PCNX1: variants seen among roughly 807,000 people sequenced by gnomAD.
The protein encoded by PCNX1 is pecanex-like protein 1.
Under a neutral mutation model 242.2 loss-of-function variants are expected in PCNX1, and 78 were observed. That is an observed-to-expected ratio of 0.32 (90% confidence interval 0.27 to 0.39). The LOEUF (loss-of-function observed/expected upper bound fraction) is 0.39. Among genes scored for constraint, PCNX1 ranks in the 10% least tolerant of loss-of-function variants. The pLI is 1.00. For synonymous variants in PCNX1, 1,024 were observed against 1,032.9 expected (o/e 0.99, Z 0.17); for missense variants, 2,581 against 2,856.5 (o/e 0.90, Z 2.20).
rs1025885457 is a variant in PCNX1 at position 70,907,768 on chromosome 14, A to G, written c.-83A>G. ...GGAGGTGGATAGACGGGGCAGCTGC[A>G]GGCTCCGGCGACCGAGGCCGAGCTG... On this transcript the variant is annotated 5_prime_UTR_variant, in exon 1 of 36. Transcript: ENST00000304743. 2.5e-6 allele frequency: 3 copies of G among 1,184,794 alleles called. No homozygotes were observed. The South Asian group carries it at 1.2e-4, about 49-fold the overall frequency. The allele number at this position is 1,184,794 out of a possible 1,614,324, so 73.4% of individuals were successfully genotyped here.
At chr14:71,007,333 A>G (rs1438446206) in intron 8 of PCNX1, among the ~76,000 whole-genome samples, 1 of 152,124 alleles carries the variant, frequency 6.6e-6, no homozygotes, top group Non-Finnish European at 1.5e-5. Context: ...TGAAAATTAC[A>G]AAGATAATAT....
intron 9 of PCNX1, among the ~76,000 whole-genome samples, chr14:71,011,022 G>T (rs1186193775): frequency 1.3e-5 from 2 of 152,104 alleles, no homozygotes; most frequent in African/African-American, 4.8e-5. Flanking sequence ...GTTTAATGTA[G>T]TTCAAGAGAA....
Position 71,109,563 on chromosome 14 carries a change from T to G in PCNX1, c.6856T>G (p.Trp2286Gly). The part of the protein sequence containing the change: ...LKAGRNSWKD[W>G]SPQEGMEGHV... ...AGCTGGGAGAAATAGCTGGAAAGAC[T>G]GGAGTCCGCAGGAGGGCATGGAAGG... The change falls in exon 35 of 36, where the codon TGG becomes GGG. Residue 2286 changes from tryptophan (W) to glycine (G), a missense_variant. By Grantham distance (184) the Trp-to-Gly change is radical. This residue lies in a region of PCNX1 where 432 missense variants were observed against 433.6 expected (regional missense o/e 1.00). Transcript: ENST00000304743. The G allele has an allele frequency of 1.2e-6, 2 of 1,614,142 alleles. No individual in the cohort carries two copies. The highest frequency in any genetic ancestry group is 1.7e-6 in the Non-Finnish European group (2 of 1,179,998).
At chr14:70,926,340 G>A (rs375484189) in intron 1 of PCNX1, among the ~76,000 whole-genome samples, 2 of 152,030 alleles carry the variant, frequency 1.3e-5, no homozygotes, top group Non-Finnish European at 2.9e-5. Context: ...TGCCCCTGCC[G>A]TCTCACCTGC....
chr14:71,049,912 C>G (rs1439154931), intron 22 of PCNX1, among the ~76,000 whole-genome samples: 1 of 152,172 alleles, frequency 6.6e-6, no homozygotes, highest in Non-Finnish European at 1.5e-5. Flanking sequence ...CATATTCAAC[C>G]TTAAATGAAA....
intron 6 of PCNX1, among the ~76,000 whole-genome samples, chr14:70,983,285 T>C (rs1170683816): frequency 6.6e-6 from 1 of 152,160 alleles, no homozygotes; most frequent in African/African-American, 2.4e-5. Flanking sequence ...GCAAATTATC[T>C]TTAACGCAAA....
chr14:71,042,416 A>C (rs1308668682), intron 19 of PCNX1, among the ~76,000 whole-genome samples: 1 of 152,094 alleles, frequency 6.6e-6, no homozygotes, highest in Non-Finnish European at 1.5e-5. Flanking sequence ...ATTATTATAT[A>C]ACGACCTTCT....
At chr14:70,946,293 A>T (rs1010203928) in intron 1 of PCNX1, among the ~76,000 whole-genome samples, 3 of 152,186 alleles carry the variant, frequency 2.0e-5, no homozygotes, top group Admixed American at 1.3e-4. Flanking sequence ...GGTCATTCTC[A>T]TGACAGTTTT....
chr14:71,008,803 G>A (rs965076966), intron 8 of PCNX1, among the ~76,000 whole-genome samples: 6 of 151,834 alleles, frequency 4.0e-5, no homozygotes, highest in African/African-American at 1.5e-4. Context: ...TGCCTTCGTG[G>A]AAATTTATAT....
chr14:71,018,993 G>T lies in PCNX1; in HGVS notation c.2997-16G>T. The T allele has an allele frequency of 6.2e-7, 1 of 1,603,288 alleles. No individual in the cohort carries two copies. Among genetic ancestry groups the T allele is most frequent in the Non-Finnish European group, 8.5e-7 (1 of 1,174,654 alleles). On this transcript the variant is annotated splice_polypyrimidine_tract_variant and intron_variant, in intron 11 of 35. Coordinates refer to ENST00000304743, the MANE Select transcript of PCNX1 (RefSeq NM_014982.3). ...ATACTTAAGATATACTTACCCATAA[G>T]TTTTTCTGTCCGTAGAAATCGTGAG...
intron 28 of PCNX1, among the ~76,000 whole-genome samples, chr14:71,087,076 A>G (rs1258404890): frequency 1.3e-5 from 2 of 152,230 alleles, no homozygotes; most frequent in Non-Finnish European, 2.9e-5. Flanking sequence ...AAAGAAAAAA[A>G]GAATGAAGAT....
chr14:71,074,502 C>T (rs755208756), intron 27 of PCNX1, among the ~76,000 whole-genome samples: 1 of 152,232 alleles, frequency 6.6e-6, no homozygotes, highest in Non-Finnish European at 1.5e-5. Flanking sequence ...CCAGAGACAC[C>T]GAATCAAGGA....
intron 22 of PCNX1, among the ~76,000 whole-genome samples, chr14:71,048,566 G>T (rs1451756270): frequency 3.9e-5 from 6 of 152,196 alleles, no homozygotes; most frequent in African/African-American, 7.2e-5. Context: ...GAAATAGGCT[G>T]TACAGTCAGA....
intron 5 of PCNX1, among the ~76,000 whole-genome samples, chr14:70,975,520 T>C (rs992473193): frequency 6.6e-6 from 1 of 152,174 alleles, no homozygotes; most frequent in African/African-American, 2.4e-5. Flanking sequence ...AACTCATTCC[T>C]TTCTTTTAAT....
chr14:71,031,578 G>A (rs2140925163), intron 16 of PCNX1: 1 of 495,592 alleles, frequency 2.0e-6, no homozygotes. Flanking sequence ...AGACAGAAGG[G>A]GACTCAGTCT....
At chr14:70,960,770 T>A (rs898904534) in intron 2 of PCNX1, among the ~76,000 whole-genome samples, 146 of 152,218 alleles carry the variant, frequency 9.6e-4, no homozygotes, top group Non-Finnish European at 1.8e-3. Context: ...AAAACCCCAT[T>A]GTCTCAGCCC....
chr14:70,999,340 T>A (rs1251385947), intron 8 of PCNX1, among the ~76,000 whole-genome samples: 1 of 152,186 alleles, frequency 6.6e-6, no homozygotes, highest in Non-Finnish European at 1.5e-5. Context: ...TGCCTGTGGT[T>A]TTTTCTGTGT....
At chr14:71,061,386 A>G (rs781435439) in intron 26 of PCNX1, among the ~76,000 whole-genome samples, 1 of 152,230 alleles carries the variant, frequency 6.6e-6, no homozygotes, top group Non-Finnish European at 1.5e-5. Context: ...GGAGAATAAC[A>G]TACCATTCAA....
At chr14:70,923,378 T>G (rs1405943269) in intron 1 of PCNX1, among the ~76,000 whole-genome samples, 2 of 152,218 alleles carry the variant, frequency 1.3e-5, no homozygotes, top group African/African-American at 4.8e-5. Flanking sequence ...AAAATTCATG[T>G]TTTTGTCTAA....
Sources: gnomAD v4.1 joint callset for allele counts (sites outside exome capture counted in the v4.1 genomes callset) on GRCh38, gnomAD v4.1.1 for gene constraint, gnomAD v4.1.1 regional missense constraint, MANE v1.5 for transcripts, NCBI Gene and HGNC (gene_info 2026-07-23, HGNC 2026-07-21) for gene names.